ARSD: variants seen among roughly 807,000 people sequenced by gnomAD.
ARSD encodes arylsulfatase D, also known as testis tissue sperm-binding protein Li 39a.
Under a neutral mutation model 32.6 loss-of-function variants are expected in ARSD, and 21 were observed. The ratio of observed to expected loss-of-function variants is 0.64; its 90% CI spans 0.46 to 0.93. ARSD has a LOEUF of 0.93. Ranked by LOEUF, ARSD falls within the 40% of genes least tolerant of loss-of-function variation. The probability of loss-of-function intolerance (pLI) is 0.00; values close to 1 mark genes in which losing one functional copy is unlikely to be tolerated. For missense variants in ARSD, 454 were observed against 520.9 expected (o/e 0.87, Z 1.25); for synonymous variants, 224 against 237.4 (o/e 0.94, Z 0.52).
intron 6 of ARSD, among the ~76,000 whole-genome samples, chrX:2,911,337 C>T (rs1168071465): frequency 9.1e-6 from 1 of 109,571 alleles, no homozygotes; most frequent in Non-Finnish European, 1.9e-5. Flanking sequence ...TACACTACTG[C>T]ACTCCAGCGA....
intron 6 of ARSD, among the ~76,000 whole-genome samples, chrX:2,912,780 A>G (rs116625022): frequency 0.048 from 5,394 of 111,540 alleles, 342 homozygotes; most frequent in African/African-American, 0.17. Context: ...ACTAGCATCT[A>G]TGGGCATTGG....
chrX:2,919,123 AT>A (rs1417891710), intron 4 of ARSD, among the ~76,000 whole-genome samples: 2 of 108,549 alleles, frequency 1.8e-5, no homozygotes, highest in Non-Finnish European at 3.8e-5. Flanking sequence ...TCTCAAAAAA[AT>A]AAAAATAAAT....
intron 4 of ARSD, among the ~76,000 whole-genome samples, chrX:2,918,531 AC>A (rs1231128263): frequency 2.4e-4 from 27 of 111,416 alleles, no homozygotes; most frequent in African/African-American, 7.5e-4. Flanking sequence ...CGGGCGGATC[AC>A]GAGGTCAGGA....
intron 6 of ARSD, among the ~76,000 whole-genome samples, chrX:2,911,154 C>T (rs1485212812): frequency 9.0e-6 from 1 of 111,668 alleles, no homozygotes; most frequent in African/African-American, 3.3e-5. Context: ...GGTGGATCAC[C>T]TGAGGCCAGG....
chrX:2,929,022 C>T (rs1235679455), intron 1 of ARSD, among the ~76,000 whole-genome samples: 2 of 111,786 alleles, frequency 1.8e-5, no homozygotes, highest in Non-Finnish European at 3.8e-5. Context: ...CCCTCAGTCG[C>T]CCCCCATCCC....
chrX:2,920,549 A>G lies in ARSD; in HGVS notation c.439+52T>C, dbSNP rs767816290. Reference sequence around the variant, plus strand: ...CCACGCCTGGCCTGGGATCTTTTTTATCACGAATATTCCCAACCACCGTAT... The same window carrying G: ...CCACGCCTGGCCTGGGATCTTTTTTGTCACGAATATTCCCAACCACCGTAT... On this transcript the variant is annotated intron_variant, in intron 4 of 9. Coordinates refer to ENST00000381154, the MANE Select transcript of ARSD (RefSeq NM_001669.4). 4 of 1,205,443 alleles carry G rather than the reference A, an allele frequency of 3.3e-6. No homozygotes were observed. In the African/African-American group the frequency reaches 7.1e-5, roughly 21 times the overall value.
At chrX:2,913,538 CTCGGGA>C (rs2088920815) in intron 6 of ARSD, 1 of 978,962 alleles carries the variant, frequency 1.0e-6, no homozygotes, top group African/African-American at 2.0e-5. Context: ...CTATGCTTGT[CTCGGGA>C]GATATGTTCA....
chrX:2,920,276 T>G, intron 4 of ARSD: 1 of 247,104 alleles, frequency 4.0e-6, no homozygotes, highest in Middle Eastern at 1.4e-3. Context: ...CATGAAAAAC[T>G]GGGGACAATC....
rs1216665890 is a variant in ARSD at position 2,915,684 on chromosome X, T to C, written c.872A>G (p.His291Arg). 14 of 1,208,375 alleles carry C rather than the reference T, an allele frequency of 1.2e-5. No homozygotes were observed. In the African/African-American group the frequency reaches 2.1e-4, roughly 18 times the overall value. Residue 291 changes from histidine (H) to arginine (R), a missense_variant, in exon 6 of 10, where the codon CAT becomes CGT. By Grantham distance (29) the His-to-Arg change is conservative. This residue lies in a region of ARSD where 271 missense variants were observed against 301.0 expected (regional missense o/e 0.90). Coordinates refer to ENST00000381154, the MANE Select transcript of ARSD (RefSeq NM_001669.4). ...EAVSYIERHK[H>R]GPFLLFLSLL... Reference sequence around the variant, plus strand: ...AGAAAGGAAGAGGAGAAATGGCCCATGCTTGTGTCTGAAAGAAGAAAACTT... The same window carrying C: ...AGAAAGGAAGAGGAGAAATGGCCCACGCTTGTGTCTGAAAGAAGAAAACTT...
chrX:2,909,752 A>AC, intron 8 of ARSD, 65 bp downstream of exon 8: 2 of 1,039,983 alleles, frequency 1.9e-6, no homozygotes, highest in African/African-American at 4.2e-5. Context: ...TCCTATTGAA[A>AC]TAAAAAAAAA....
At chrX:2,915,444 C>T (rs779373221) in intron 6 of ARSD, 112 bp downstream of exon 6, 6 of 1,077,858 alleles carry the variant, frequency 5.6e-6, no homozygotes, top group South Asian at 2.2e-5. Context: ...CGTGAGCCAC[C>T]GCCCTTATTC....
intron 9 of ARSD, among the ~76,000 whole-genome samples, chrX:2,908,385 A>G (rs899240973): frequency 1.5e-4 from 17 of 110,282 alleles, no homozygotes; most frequent in Admixed American, 4.8e-4. Flanking sequence ...TTAAATATCT[A>G]TCCATCATCT....
intron 6 of ARSD, chrX:2,914,821 A>G (rs764872636): frequency 5.9e-6 from 6 of 1,015,766 alleles, no homozygotes; most frequent in Non-Finnish European, 7.8e-6. Flanking sequence ...GTAATTGGGA[A>G]TACTGAAGAA....
At chrX:2,914,018 C>T (rs1473862609) in intron 6 of ARSD, 2 of 529,056 alleles carry the variant, frequency 3.8e-6, no homozygotes, top group Non-Finnish European at 4.6e-6. Flanking sequence ...CGAGGTCTCC[C>T]CAGAAGCAGA....
chrX:2,918,719 G>C (rs757389384), intron 4 of ARSD, among the ~76,000 whole-genome samples: 275 of 111,143 alleles, frequency 2.5e-3, no homozygotes, highest in African/African-American at 8.5e-3. Context: ...CAGCCTGGGC[G>C]ACAGAGCCAG....
chrX:2,913,643 A>G, intron 6 of ARSD: 1 of 1,001,756 alleles, frequency 1.0e-6, no homozygotes, highest in Non-Finnish European at 1.3e-6. Context: ...CCATAGAAGG[A>G]AGGTGACCTC....
At chrX:2,920,571 G>A (rs370360774) in intron 4 of ARSD, 30 bp downstream of exon 4, 32 of 1,207,325 alleles carry the variant, frequency 2.7e-5, no homozygotes, top group African/African-American at 2.6e-4. Flanking sequence ...CCCAACCACC[G>A]TATAATGTGA....
intron 1 of ARSD, among the ~76,000 whole-genome samples, chrX:2,927,860 C>G (rs1374554173): frequency 9.0e-6 from 1 of 111,376 alleles, no homozygotes; most frequent in Non-Finnish European, 1.9e-5. Flanking sequence ...CGCGGGCCAC[C>G]ACTTCAGTTA....
At chrX:2,909,753 TAA>T in intron 8 of ARSD, 62 bp downstream of exon 8, 15 of 807,436 alleles carry the variant, frequency 1.9e-5, no homozygotes, top group East Asian at 4.1e-5. Flanking sequence ...CCTATTGAAA[TAA>T]AAAAAAAAAA....
Sources: allele counts gnomAD v4.1 joint callset (sites outside exome capture counted in the v4.1 genomes callset), GRCh38; gene constraint gnomAD v4.1.1; regional missense constraint gnomAD v4.1.1; transcripts MANE v1.5; gene names NCBI Gene and HGNC (gene_info 2026-07-23, HGNC 2026-07-21).